LHFPL3: variants seen among roughly 807,000 people sequenced by gnomAD.
LHFPL3 encodes the protein LHFPL tetraspan subfamily member 3 protein.
Under a neutral mutation model 19.3 loss-of-function variants are expected in LHFPL3, and 5 were observed. The observed-to-expected ratio is 0.26, with a 90% confidence interval of 0.14 to 0.54. The LOEUF (loss-of-function observed/expected upper bound fraction) is 0.54, where lower values mean the gene tolerates loss of function less well. LHFPL3 is among the 20% of genes least tolerant of loss of function. LHFPL3 has a pLI of 0.94. For missense variants in LHFPL3, 249 were observed against 307.4 expected, an observed-to-expected ratio of 0.81 and a Z score of 1.42; for synonymous variants, 133 against 126.2, an observed-to-expected ratio of 1.05 and a Z score of -0.36.
intron 1 of LHFPL3, among the ~76,000 whole-genome samples, chr7:104,395,583 C>T (rs1166282351): frequency 2.0e-5 from 3 of 152,166 alleles, no homozygotes; most frequent in Admixed American, 6.6e-5. Context: ...CACTGACTGA[C>T]AGGAGAAGCA....
chr7:104,710,693 G>A (rs1793285855), intron 1 of LHFPL3, among the ~76,000 whole-genome samples: 1 of 152,078 alleles, frequency 6.6e-6, no homozygotes, highest in Non-Finnish European at 1.5e-5. Context: ...ACTTCATCAG[G>A]TTGTAATGAG....
At chr7:104,452,864 A>G (rs1475383425) in intron 1 of LHFPL3, among the ~76,000 whole-genome samples, 1 of 152,206 alleles carries the variant, frequency 6.6e-6, no homozygotes, top group Non-Finnish European at 1.5e-5. Context: ...TCAATAAAGC[A>G]CTGGTAAATT....
intron 2 of LHFPL3, among the ~76,000 whole-genome samples, chr7:104,815,232 C>G (rs182770623): frequency 6.6e-6 from 1 of 152,166 alleles, no homozygotes; most frequent in Non-Finnish European, 1.5e-5. Context: ...CTCCATGGAG[C>G]GAACAGCCCC....
intron 2 of LHFPL3, among the ~76,000 whole-genome samples, chr7:104,835,762 TTA>T (rs76215661): frequency 0.081 from 10,398 of 128,094 alleles, 477 homozygotes; most frequent in Non-Finnish European, 0.12. Context: ...TAAATTATTA[TTA>T]TTTTTTTTTA....
intron 1 of LHFPL3, among the ~76,000 whole-genome samples, chr7:104,633,662 A>G (rs1456258505): frequency 6.6e-6 from 1 of 152,236 alleles, no homozygotes; most frequent in Non-Finnish European, 1.5e-5. Context: ...ATCATTTTGT[A>G]TGGTACATAA....
At chr7:104,893,887 G>T (rs1459268293) in intron 2 of LHFPL3, among the ~76,000 whole-genome samples, 5 of 151,758 alleles carry the variant, frequency 3.3e-5, no homozygotes, top group African/African-American at 1.2e-4. Context: ...GGGAGGCGGA[G>T]GTTGCAGTGA....
chr7:104,442,246 T>C (rs1318716424), intron 1 of LHFPL3, among the ~76,000 whole-genome samples: 1 of 6,082 alleles, frequency 1.6e-4, no homozygotes, highest in Non-Finnish European at 2.6e-4. Flanking sequence ...AATCTGGTCT[T>C]TTTTTTTTTG....
intron 1 of LHFPL3, among the ~76,000 whole-genome samples, chr7:104,658,831 C>T (rs1023827011): frequency 1.2e-4 from 19 of 152,082 alleles, no homozygotes; most frequent in African/African-American, 4.1e-4. Flanking sequence ...TGGGCTGCAC[C>T]CTCCCAGATT....
intron 1 of LHFPL3, among the ~76,000 whole-genome samples, chr7:104,421,809 A>G (rs1196091981): frequency 6.6e-6 from 1 of 152,216 alleles, no homozygotes; most frequent in African/African-American, 2.4e-5. Context: ...CCCCAAATTC[A>G]TACATTGAAA....
chr7:104,728,787 T>G (rs1389055457), intron 1 of LHFPL3, among the ~76,000 whole-genome samples: 2 of 152,190 alleles, frequency 1.3e-5, no homozygotes, highest in Non-Finnish European at 2.9e-5. Flanking sequence ...ACATAAACCA[T>G]GTCCCTTTCC....
chr7:104,702,728 AC>A (rs746554974), intron 1 of LHFPL3, among the ~76,000 whole-genome samples: 17 of 152,284 alleles, frequency 1.1e-4, no homozygotes, highest in Non-Finnish European at 2.1e-4. Flanking sequence ...CCACATAGAC[AC>A]CTTCAATTAA....
chr7:104,681,776 A>C (rs1009565459), intron 1 of LHFPL3, among the ~76,000 whole-genome samples: 2 of 152,218 alleles, frequency 1.3e-5, no homozygotes, highest in African/African-American at 4.8e-5. Context: ...CTTTGTTCCC[A>C]CAAGTATTCT....
chr7:104,757,600 A>C (rs1794309143), intron 2 of LHFPL3: 1 of 152,220 alleles, frequency 6.6e-6, no homozygotes, highest in African/African-American at 2.4e-5. Flanking sequence ...ATAGGAAAAA[A>C]ATACTTACCA....
chr7:104,581,798 A>G (rs968661840), intron 1 of LHFPL3, among the ~76,000 whole-genome samples: 1 of 151,962 alleles, frequency 6.6e-6, no homozygotes, highest in African/African-American at 2.4e-5. Context: ...AACCACGTAC[A>G]TGTGGGTTTA....
chr7:104,487,506 C>T (rs1314051584), intron 1 of LHFPL3, among the ~76,000 whole-genome samples: 2 of 152,180 alleles, frequency 1.3e-5, no homozygotes, highest in African/African-American at 4.8e-5. Context: ...TTTAGACATG[C>T]CAGTTAACCT....
intron 2 of LHFPL3, among the ~76,000 whole-genome samples, chr7:104,809,661 A>G (rs1405053896): frequency 6.6e-6 from 1 of 152,234 alleles, no homozygotes; most frequent in Non-Finnish European, 1.5e-5. Context: ...TACGATTTTT[A>G]TAATATATAT....
chr7:104,370,699 T>C (rs1029469415), intron 1 of LHFPL3, among the ~76,000 whole-genome samples: 12 of 152,054 alleles, frequency 7.9e-5, no homozygotes, highest in African/African-American at 2.9e-4. Context: ...CTGGCCAACA[T>C]GGTGAAACCC....
intron 1 of LHFPL3, among the ~76,000 whole-genome samples, chr7:104,407,126 A>C (rs1009994559): frequency 3.9e-5 from 6 of 152,324 alleles, no homozygotes; most frequent in Middle Eastern, 3.4e-3. Context: ...CGTACTGGAT[A>C]CAAAAATAAC....
At chr7:104,729,441 C>G (rs1220244998) in intron 1 of LHFPL3, among the ~76,000 whole-genome samples, 19 of 152,094 alleles carry the variant, frequency 1.2e-4, no homozygotes, top group Admixed American at 1.2e-3. Context: ...AATAGTCACC[C>G]TACTGTGCAA....
Sources: gnomAD v4.1 joint callset for allele counts (sites outside exome capture counted in the v4.1 genomes callset) on GRCh38, gnomAD v4.1.1 for gene constraint, MANE v1.5 for transcripts, NCBI Gene and HGNC (gene_info 2026-07-23, HGNC 2026-07-21) for gene names.